Variants in CHN2 observed in about 807,000 individuals in gnomAD.
CHN2 encodes the protein chimerin 2, also known as beta-chimaerin.
A neutral mutation model predicts 56.3 loss-of-function variants in CHN2; 35 were observed. The observed-to-expected ratio is 0.62, with a 90% CI of 0.47 to 0.82. The LOEUF is 0.82. CHN2 is among the 40% of genes least tolerant of loss of function. CHN2 has a pLI of 0.00. For missense variants in CHN2, 491 were observed against 580.5 expected (o/e 0.85, Z 1.58); for synonymous variants, 210 against 212.8 (o/e 0.99, Z 0.12).
chr7:29,162,418 T>C (rs1013971075), intron 2 of CHN2, among the ~76,000 whole-genome samples: 1 of 152,176 alleles, frequency 6.6e-6, no homozygotes, highest in Non-Finnish European at 1.5e-5. Context: ...TCCCAGCACT[T>C]TGGGAGGCCA....
chr7:29,491,283 CTT>C (rs1788638448), intron 7 of CHN2, among the ~76,000 whole-genome samples: 1 of 152,138 alleles, frequency 6.6e-6, no homozygotes, highest in South Asian at 2.1e-4. Flanking sequence ...ATTAGAGCCA[CTT>C]ATTCTGATTA....
At chr7:29,211,566 A>T (rs1784961136) in intron 1 of CHN2, among the ~76,000 whole-genome samples, 1 of 151,530 alleles carries the variant, frequency 6.6e-6, no homozygotes, top group African/African-American at 2.4e-5. Flanking sequence ...TTTCTATTGT[A>T]TTTCTCTTCA....
intron 6 of CHN2, among the ~76,000 whole-genome samples, chr7:29,421,709 GA>G (rs1804364411): frequency 6.6e-6 from 1 of 152,230 alleles, no homozygotes; most frequent in Non-Finnish European, 1.5e-5. Context: ...GTCTGAGATA[GA>G]ATGTACGTGA....
At chr7:29,450,416 G>A (rs141841715) in intron 6 of CHN2, among the ~76,000 whole-genome samples, 219 of 152,288 alleles carry the variant, frequency 1.4e-3, no homozygotes, top group African/African-American at 4.8e-3. Flanking sequence ...ACCAGCACCC[G>A]TCTCTTTTTA....
At chr7:29,386,364 C>G (rs1226035988) in intron 3 of CHN2, among the ~76,000 whole-genome samples, 3 of 152,196 alleles carry the variant, frequency 2.0e-5, no homozygotes, top group Non-Finnish European at 2.9e-5. Context: ...CCTACTTGAT[C>G]CATCTCTCAG....
intron 3 of CHN2, among the ~76,000 whole-genome samples, chr7:29,389,851 C>T (rs1252544451): frequency 4.0e-5 from 6 of 151,386 alleles, no homozygotes; most frequent in East Asian, 1.9e-4. Context: ...CTCAGGAGTT[C>T]GAGACCAGCC....
Position 29,194,881 on chromosome 7 carries a change from G to A in CHN2, c.-61G>A, listed in dbSNP as rs1783444259. 2 of 1,381,874 alleles carry A rather than the reference G, an allele frequency of 1.4e-6. No individual in the cohort carries two copies. Among genetic ancestry groups the A allele is most frequent in the Admixed American group, 6.9e-5 (2 of 28,870 alleles). 85.6% of individuals were successfully genotyped at this position (1,381,874 alleles called of 1,614,324 possible). On this transcript the variant is annotated 5_prime_UTR_variant, in exon 1 of 13. Coordinates refer to ENST00000222792, the MANE Select transcript of CHN2 (RefSeq NM_004067.4). ...CGGAGGCTGCGAGCGGCCGGGCGAG[G>A]GCAGCGGCGGCGGCGTCCGCACCGG... is the stretch of plus-strand genomic sequence containing the variant.
In CHN2 at chr7:29,278,995, G is replaced by GTT. The variant is rs3841179; in HGVS notation, c.50-75629_50-75628insTT. On this transcript the variant is annotated intron_variant, in intron 1 of 12. Coordinates refer to ENST00000222792, the MANE Select transcript of CHN2 (RefSeq NM_004067.4). The stretch of plus-strand genomic sequence containing the variant: ...AGGAAGTCCCCAGGGAGGTCCAGCT[G>GTT]TCCCCCCCCAACCCCCACCTTCACT... 5.0e-4 allele frequency among the ~76,000 whole-genome samples: 75 copies of GTT among 150,784 alleles called. 2 individuals carry two copies. Among genetic ancestry groups the GTT allele is most frequent in the Non-Finnish European group, 6.1e-4 (41 of 67,754 alleles).
At chr7:29,278,192 G>C (rs1004067389) in intron 1 of CHN2, among the ~76,000 whole-genome samples, 1 of 152,184 alleles carries the variant, frequency 6.6e-6, no homozygotes, top group Non-Finnish European at 1.5e-5. Flanking sequence ...GAAATCAACT[G>C]AGGAGCTTTA....
chr7:29,339,460 C>G (rs952692576), intron 1 of CHN2, among the ~76,000 whole-genome samples: 3 of 152,122 alleles, frequency 2.0e-5, no homozygotes, highest in Non-Finnish European at 2.9e-5. Flanking sequence ...TCGATATTAG[C>G]CACCTCATTC....
chr7:29,368,571 C>A (rs970026279), intron 3 of CHN2, among the ~76,000 whole-genome samples: 11 of 152,128 alleles, frequency 7.2e-5, no homozygotes, highest in African/African-American at 1.9e-4. Context: ...TCTTTAATAG[C>A]ATACTTAATA....
At chr7:29,500,892 A>C (rs1446072975) in intron 9 of CHN2, among the ~76,000 whole-genome samples, 1 of 152,222 alleles carries the variant, frequency 6.6e-6, no homozygotes, top group Non-Finnish European at 1.5e-5. Flanking sequence ...TATGTTGTAC[A>C]TGAGTCACTT....
At chr7:29,432,630 A>G (rs1782932027) in intron 6 of CHN2, among the ~76,000 whole-genome samples, 1 of 152,220 alleles carries the variant, frequency 6.6e-6, no homozygotes, top group Non-Finnish European at 1.5e-5. Context: ...ACATATGGAA[A>G]TGTGATCCAT....
intron 1 of CHN2, chr7:29,212,584 A>G (rs894225479): frequency 8.4e-6 from 12 of 1,420,540 alleles, no homozygotes; most frequent in Non-Finnish European, 1.1e-5. Context: ...CAGTCAAGAA[A>G]CAGAAGACCA....
At chr7:29,177,927 C>G (rs972233086) in intron 2 of CHN2, among the ~76,000 whole-genome samples, 1 of 152,290 alleles carries the variant, frequency 6.6e-6, no homozygotes, top group Non-Finnish European at 1.5e-5. Flanking sequence ...ACACAACCCT[C>G]GGTTCCATCC....
intron 6 of CHN2, among the ~76,000 whole-genome samples, chr7:29,417,958 A>G (rs1167577728): frequency 6.6e-6 from 1 of 152,186 alleles, no homozygotes; most frequent in Admixed American, 6.5e-5. Flanking sequence ...GGACAAGCAC[A>G]TGTGAGGCTG....
At chr7:29,149,746 G>A (rs1358871594) in intron 2 of CHN2, among the ~76,000 whole-genome samples, 1 of 152,114 alleles carries the variant, frequency 6.6e-6, no homozygotes, top group Non-Finnish European at 1.5e-5. Context: ...AGCCCCAGGT[G>A]TTCCTTGGCT....
Position 29,320,100 on chromosome 7 carries a change from T to C in CHN2, c.50-34525T>C, listed in dbSNP as rs1005354202. ...TCCCTGAGGAGTGTGTCCAATAGAT[T>C]TCTCTATTAAAGAGGAAGCAACAGA... On this transcript the variant is annotated intron_variant, in intron 1 of 12. Transcript: ENST00000222792. Among the ~76,000 whole-genome samples the C allele has an allele frequency of 5.9e-5, 9 of 152,152 alleles. 1 individual carries two copies. The highest frequency in any genetic ancestry group is 3.3e-4 in the Admixed American group (5 of 15,274).
chr7:29,295,571 A>G (rs961969287), intron 1 of CHN2, among the ~76,000 whole-genome samples: 14 of 151,316 alleles, frequency 9.3e-5, no homozygotes, highest in Non-Finnish European at 2.1e-4. Flanking sequence ...AAGCCCACCC[A>G]TCTATTTAAA....
Sources: allele counts gnomAD v4.1 joint callset (sites outside exome capture counted in the v4.1 genomes callset), GRCh38; gene constraint gnomAD v4.1.1; transcripts MANE v1.5; gene names NCBI Gene and HGNC (gene_info 2026-07-23, HGNC 2026-07-21).